The following MRC2 variants were observed in gnomAD, a reference collection of about 807,000 sequenced individuals.
MRC2 encodes the protein C-type mannose receptor 2.
MRC2 carries 84 observed loss-of-function variants against 206.2 expected under a neutral mutation model. The ratio of observed to expected loss-of-function variants is 0.41; its 90% confidence interval spans 0.34 to 0.49. MRC2 has a LOEUF of 0.49. MRC2 is among the 20% of genes least tolerant of loss of function. The probability of loss-of-function intolerance (pLI) is 0.31; values close to 1 mark genes in which losing one functional copy is unlikely to be tolerated. For missense variants in MRC2, 1,676 were observed against 2,001.5 expected (o/e 0.84, Z 3.10); for synonymous variants, 798 against 800.0 (o/e 1.00, Z 0.04).
chr17:62,636,461 A>ATTTTT (rs60774612), intron 1 of MRC2, among the ~76,000 whole-genome samples: 8 of 76,940 alleles, frequency 1.0e-4, no homozygotes, highest in Admixed American at 1.6e-4. Context: ...TAATCTTCTG[A>ATTTTT]TTTTTTTTTT....
chr17:62,691,714 T>G (rs1036600883), intron 28 of MRC2, among the ~76,000 whole-genome samples: 1 of 139,280 alleles, frequency 7.2e-6, no homozygotes, highest in Non-Finnish European at 1.5e-5. Flanking sequence ...GAGGCTGCAG[T>G]GAGCCGAGAT....
At chr17:62,688,780 T>C (rs1018883917) in intron 22 of MRC2, 72 bp from the exon 23 acceptor site, 4 of 1,585,810 alleles carry the variant, frequency 2.5e-6, no homozygotes, top group Non-Finnish European at 3.4e-6. Flanking sequence ...TTTGCTCACA[T>C]TGCAGCCTTC....
intron 1 of MRC2, among the ~76,000 whole-genome samples, chr17:62,643,327 C>CAAAAAAA (rs59698063): frequency 0.12 from 4,946 of 42,084 alleles, 123 homozygotes; most frequent in South Asian, 0.18. Context: ...GAAACTCCGT[C>CAAAAAAA]AAAAAAAAAA....
chr17:62,643,041 A>C (rs1445970607), intron 1 of MRC2, among the ~76,000 whole-genome samples: 2 of 152,110 alleles, frequency 1.3e-5, no homozygotes, highest in Non-Finnish European at 2.9e-5. Flanking sequence ...AGAAAACACC[A>C]AAATAGCCAG....
In MRC2 at chr17:62,681,942, G is replaced by A. The variant is rs2088973190; in HGVS notation, c.2803+5G>A. On this transcript the variant is annotated splice_donor_5th_base_variant and intron_variant, in intron 19 of 29. Transcript: ENST00000303375. Reference sequence around the variant, plus strand: ...TGTACATGACAGCCAGCCGAGGTGAGGGCAAGGTGGGGGCAGAGTGCGCAG... The same window carrying A: ...TGTACATGACAGCCAGCCGAGGTGAAGGCAAGGTGGGGGCAGAGTGCGCAG... 1.9e-6 allele frequency: 3 copies of A among 1,612,004 alleles called. No individual in the cohort carries two copies. The highest frequency in any genetic ancestry group is 2.5e-6 in the Non-Finnish European group (3 of 1,179,034).
intron 6 of MRC2, among the ~76,000 whole-genome samples, chr17:62,670,755 C>T (rs908918647): frequency 2.0e-5 from 3 of 151,978 alleles, no homozygotes; most frequent in Non-Finnish European, 4.4e-5. Context: ...GGGATGGGGC[C>T]GATCTGTAGT....
At chr17:62,631,285 C>T (rs963165323) in intron 1 of MRC2, among the ~76,000 whole-genome samples, 7 of 151,994 alleles carry the variant, frequency 4.6e-5, no homozygotes, top group Non-Finnish European at 8.8e-5. Context: ...GGGCGCCGTG[C>T]TGGGTCCTGT....
chr17:62,681,777 T>G, intron 18 of MRC2, 60 bp from the exon 19 acceptor site: 4 of 1,355,984 alleles, frequency 2.9e-6, no homozygotes, highest in Non-Finnish European at 4.2e-6. Context: ...CATTGCTGCA[T>G]CCGGTGGAGG....
At chr17:62,663,958 CTT>C (rs1200787312) in intron 1 of MRC2, among the ~76,000 whole-genome samples, 11 of 125,268 alleles carry the variant, frequency 8.8e-5, no homozygotes, top group Admixed American at 1.6e-4. Context: ...GTTGGGTTTG[CTT>C]TTTTTTTTTT....
chr17:62,627,842 C>A lies in MRC2; in HGVS notation c.40C>A (p.His14Asn), dbSNP rs1296619385. The A allele has an allele frequency of 2.0e-6, 3 of 1,471,640 alleles. No individual in the cohort carries two copies. Among genetic ancestry groups the A allele is most frequent in the Non-Finnish European group, 2.7e-6 (3 of 1,119,584 alleles). The allele number at this position is 1,471,640 out of a possible 1,614,324, so 91.2% of individuals were successfully genotyped here. A position where few individuals can be genotyped will look rare whatever the true frequency, so the allele number is the denominator to read the frequency against. The change falls in exon 1 of 30, where the codon CAC becomes AAC. Residue 14 changes from histidine to asparagine, a missense_variant. This residue lies in a region of MRC2 where 318 missense variants were observed against 346.7 expected (regional missense o/e 0.92). Transcript: ENST00000303375. ...GRPAPAPWPR[H>N]LLRCVLLLGC... ...GCCGGCCCCCGCGCCCTGGCCTCGTCACCTGCTGCGCTGCGTCCTGCTCCT... is the reference window on the plus strand; with the variant it reads ...GCCGGCCCCCGCGCCCTGGCCTCGTAACCTGCTGCGCTGCGTCCTGCTCCT...
chr17:62,677,356 G>T lies in MRC2; in HGVS notation c.1922G>T (p.Arg641Leu), dbSNP rs546895407. The T allele has an allele frequency of 1.9e-6, 3 of 1,609,412 alleles. No homozygotes were observed. Among genetic ancestry groups the T allele is most frequent in the Non-Finnish European group, 2.5e-6 (3 of 1,178,512 alleles). The change falls in exon 12 of 30, where the codon CGC becomes CTC. Residue 641 changes from arginine to leucine, a missense_variant. This residue lies in a region of MRC2 where 1,354 missense variants were observed against 1,636.6 expected (regional missense o/e 0.83). Coordinates refer to ENST00000303375, the MANE Select transcript of MRC2 (RefSeq NM_006039.5). ...AAGAACTGTACCTCGTTCCGGGCCCGCTACATCTGCCGGCAGAGCCTGGGC... is the reference window on the plus strand; with the variant it reads ...AAGAACTGTACCTCGTTCCGGGCCCTCTACATCTGCCGGCAGAGCCTGGGC... ...EVKNCTSFRA[R>L]YICRQSLGTP...
chr17:62,669,085 AACACACACACACACACACAC>A (rs72222842), intron 6 of MRC2, among the ~76,000 whole-genome samples: 3 of 143,060 alleles, frequency 2.1e-5, no homozygotes, highest in African/African-American at 2.6e-5. Flanking sequence ...AAAATATGGC[AACACACACACACACACACAC>A]ACACACACAC....
Position 62,693,179 on chromosome 17 carries a change from T to A in MRC2, c.*728T>A, listed in dbSNP as rs1368771653. ...AGCTGGGCCGGGCTGGGATGTCATC[T>A]CCTGCCGGGCGGGGGAGGGCTCTGC... On this transcript the variant is annotated 3_prime_UTR_variant, in exon 30 of 30. Transcript: ENST00000303375. 1 of 152,576 alleles carries A rather than the reference T, an allele frequency of 6.6e-6. No individual in the cohort carries two copies. Among genetic ancestry groups the A allele is most frequent in the Non-Finnish European group, 1.5e-5 (1 of 68,116 alleles). The allele number at this position is 152,576 out of a possible 1,614,324, so 9.5% of individuals were successfully genotyped here.
chr17:62,666,016 T>G lies in MRC2; in HGVS notation c.521-78T>G. ...ACCCAGCACTCTGGGTTTTAGGGGA[T>G]TTCTCCTGAGGGTCGAGGGGCTTGG... On this transcript the variant is annotated intron_variant, in intron 2 of 29. Coordinates refer to ENST00000303375, the MANE Select transcript of MRC2 (RefSeq NM_006039.5). The surrounding 1 kb of genome is among the most constrained non-coding windows in gnomAD (Gnocchi z 5.0). 6.9e-7 allele frequency: 1 copy of G among 1,449,356 alleles called. No individual in the cohort carries two copies. Among genetic ancestry groups the G allele is most frequent in the Non-Finnish European group, 9.3e-7 (1 of 1,080,638 alleles). The allele number at this position is 1,449,356 out of a possible 1,614,324, so 89.8% of individuals were successfully genotyped here. A position where few individuals can be genotyped will look rare whatever the true frequency, so the allele number is the denominator to read the frequency against.
rs1297887592 is a variant in MRC2, at chr17:62,680,920, G to A, written c.2594G>A (p.Ser865Asn). The change falls in exon 17 of 30, where the codon AGC (serine) becomes AAC (asparagine). Residue 865 changes from serine (S) to asparagine (N), a missense_variant. By Grantham distance (46) the Ser-to-Asn change is conservative. Around this residue, in one of 3 missense-constraint regions of MRC2, gnomAD observed 1,354 missense variants for 1,636.6 expected, o/e 0.83. Coordinates refer to ENST00000303375, the MANE Select transcript of MRC2 (RefSeq NM_006039.5). This position sits in a 1 kb window ranked among gnomAD's most constrained non-coding sequence, Gnocchi z 4.8. ...WFQAELTSVH[S>N]QAELDFLSHN... The stretch of plus-strand genomic sequence containing the variant: ...CAGGCCGAGCTGACCTCGGTGCACA[G>A]CCAGGCGGAGCTAGACTTCCTGAGC... 30 of 1,613,204 alleles carry A rather than the reference G, an allele frequency of 1.9e-5. No individual in the cohort carries two copies. Among genetic ancestry groups the A allele is most frequent in the Non-Finnish European group, 2.3e-5 (27 of 1,179,946 alleles).
chr17:62,677,639 G>A (rs1467803548), intron 12 of MRC2, among the ~76,000 whole-genome samples, 153 bp downstream of exon 12: 2 of 152,212 alleles, frequency 1.3e-5, no homozygotes, highest in East Asian at 3.8e-4. Flanking sequence ...GGAATCTGGA[G>A]GCCTGGTGCT....
chr17:62,690,111 C>T, intron 25 of MRC2, 45 bp from the exon 26 acceptor site: 7 of 1,581,318 alleles, frequency 4.4e-6, no homozygotes, highest in Non-Finnish European at 6.0e-6. Context: ...TGTCGGTGGC[C>T]CCGGGGAGGG....
intron 1 of MRC2, among the ~76,000 whole-genome samples, chr17:62,640,884 A>G (rs938039438): frequency 2.0e-5 from 3 of 151,348 alleles, no homozygotes; most frequent in African/African-American, 4.9e-5. Flanking sequence ...TGTTTTTTTT[A>G]GTAGAGACAG....
chr17:62,645,387 CATT>C (rs2088462231), intron 1 of MRC2, among the ~76,000 whole-genome samples: 1 of 149,960 alleles, frequency 6.7e-6, no homozygotes, highest in South Asian at 2.1e-4. Flanking sequence ...CCTCTAGAAA[CATT>C]ATATACATTC....
Sources: gnomAD v4.1 joint callset for allele counts (sites outside exome capture counted in the v4.1 genomes callset) on GRCh38, gnomAD v4.1.1 for gene constraint, gnomAD v4.1.1 regional missense constraint, Gnocchi (gnomAD v3.1) non-coding constraint, MANE v1.5 for transcripts, NCBI Gene and HGNC (gene_info 2026-07-23, HGNC 2026-07-21) for gene names.